TNFRSF21: variants seen among roughly 807,000 people sequenced by gnomAD.
TNFRSF21 encodes tumor necrosis factor receptor superfamily member 21.
TNFRSF21 carries 19 observed loss-of-function variants against 45.6 expected under a neutral mutation model. The observed-to-expected ratio is 0.42, with a 90% CI of 0.29 to 0.61. TNFRSF21 has a LOEUF of 0.61. Ranked by LOEUF, TNFRSF21 falls within the 20% of genes least tolerant of loss-of-function variation. The pLI is 0.23. For synonymous variants in TNFRSF21, 314 were observed against 335.5 expected (o/e 0.94, Z 0.70); for missense variants, 737 against 851.5 (o/e 0.87, Z 1.67).
intron 3 of TNFRSF21, among the ~76,000 whole-genome samples, chr6:47,273,075 T>C (rs1762450575): frequency 6.6e-6 from 1 of 152,178 alleles, no homozygotes; most frequent in African/African-American, 2.4e-5. Flanking sequence ...AGCCAAATTC[T>C]ACCAGAAGTA....
At chr6:47,285,706 C>T (rs1361053016) in intron 2 of TNFRSF21, among the ~76,000 whole-genome samples, 4 of 152,126 alleles carry the variant, frequency 2.6e-5, no homozygotes, top group African/African-American at 9.7e-5. Flanking sequence ...TATTTTATAG[C>T]TTGATGTGAC....
intron 4 of TNFRSF21, among the ~76,000 whole-genome samples, chr6:47,241,359 C>T (rs1764740248): frequency 6.6e-6 from 1 of 151,762 alleles, no homozygotes; most frequent in Non-Finnish European, 1.5e-5. Flanking sequence ...AATACATCAC[C>T]CTAAAAAAAA....
intron 3 of TNFRSF21, among the ~76,000 whole-genome samples, chr6:47,273,182 G>T (rs1332480062): frequency 6.6e-6 from 1 of 152,152 alleles, no homozygotes; most frequent in Admixed American, 6.5e-5. Context: ...GCATCATCTT[G>T]ATACCAAGGC....
At chr6:47,239,548 A>G (rs1401089944) in intron 4 of TNFRSF21, among the ~76,000 whole-genome samples, 2 of 152,200 alleles carry the variant, frequency 1.3e-5, no homozygotes, top group Admixed American at 1.3e-4. Context: ...ATTCTTGGGT[A>G]GACTCTGAGA....
At chr6:47,258,475 T>C (rs1322829476) in intron 3 of TNFRSF21, among the ~76,000 whole-genome samples, 1 of 150,962 alleles carries the variant, frequency 6.6e-6, no homozygotes, top group Non-Finnish European at 1.5e-5. Flanking sequence ...ACTGGAACAG[T>C]TTCCCCAGGG....
rs77795992 is a variant in TNFRSF21, at chr6:47,260,540, A to G, written c.1244-7019T>C. 5.7e-3 allele frequency among the ~76,000 whole-genome samples: 862 copies of G among 152,370 alleles called. 15 individuals are homozygous for G. The highest frequency in any genetic ancestry group is 0.02 in the African/African-American group (835 of 41,588). On this transcript the variant is annotated intron_variant, in intron 3 of 5. Coordinates refer to ENST00000296861, the MANE Select transcript of TNFRSF21 (RefSeq NM_014452.5). ...TTAAAAGCTGAATATCAGCTTCAGGATGCAAAAATGGGTTCCTTCTCTTTT... is the reference window on the plus strand; with the variant it reads ...TTAAAAGCTGAATATCAGCTTCAGGGTGCAAAAATGGGTTCCTTCTCTTTT...
At chr6:47,279,256 G>A (rs1264296659) in intron 3 of TNFRSF21, among the ~76,000 whole-genome samples, 4 of 152,126 alleles carry the variant, frequency 2.6e-5, no homozygotes, top group African/African-American at 9.7e-5. Context: ...AAGGATAATA[G>A]GAAAGTAGGG....
At chr6:47,271,143 T>C (rs775551882) in intron 3 of TNFRSF21, among the ~76,000 whole-genome samples, 2 of 152,054 alleles carry the variant, frequency 1.3e-5, no homozygotes, top group South Asian at 4.2e-4. Flanking sequence ...CAGGCCAACA[T>C]TCAAATTCAG....
At position 47,286,021 on chromosome 6, in the gene TNFRSF21, G is replaced by A. The variant is rs1762641972; in HGVS notation, c.671C>T (p.Ser224Phe). ...GCGTGGAAAGATGGCTGTGCCAGGGGAAGGTGAGGTGGAGCTGGAGAAGGA... is the reference window on the plus strand; with the variant it reads ...GCGTGGAAAGATGGCTGTGCCAGGGAAAGGTGAGGTGGAGCTGGAGAAGGA... ...LPSFSSSTSP[S>F]PGTAIFPRPE... Residue 224 changes from serine to phenylalanine, a missense_variant, in exon 2 of 6, where the codon TCC becomes TTC. Transcript: ENST00000296861. The A allele has an allele frequency of 6.2e-7, 1 of 1,614,128 alleles. No individual in the cohort carries two copies. Among genetic ancestry groups the A allele is most frequent in the Non-Finnish European group, 8.5e-7 (1 of 1,180,044 alleles).
intron 1 of TNFRSF21, among the ~76,000 whole-genome samples, chr6:47,302,964 G>C (rs1264132664): frequency 1.3e-5 from 2 of 152,146 alleles, no homozygotes; most frequent in Non-Finnish European, 2.9e-5. Context: ...ATTTGCAGAA[G>C]GTATTCAACA....
At chr6:47,264,214 G>A (rs951761684) in intron 3 of TNFRSF21, among the ~76,000 whole-genome samples, 1 of 152,134 alleles carries the variant, frequency 6.6e-6, no homozygotes, top group African/African-American at 2.4e-5. Flanking sequence ...AAAACATGGA[G>A]TGAAATATAC....
At chr6:47,243,738 G>C (rs994322799) in intron 4 of TNFRSF21, among the ~76,000 whole-genome samples, 2 of 152,084 alleles carry the variant, frequency 1.3e-5, no homozygotes, top group African/African-American at 4.8e-5. Context: ...TTCTTCACCT[G>C]GCCTTTTTTC....
At chr6:47,236,768 G>A (rs146651042) in intron 4 of TNFRSF21, among the ~76,000 whole-genome samples, 7 of 152,218 alleles carry the variant, frequency 4.6e-5, no homozygotes, top group African/African-American at 1.7e-4. Context: ...GGCCATTCAC[G>A]CCAACACACT....
intron 4 of TNFRSF21, among the ~76,000 whole-genome samples, chr6:47,246,842 G>A (rs1338996009): frequency 6.6e-6 from 1 of 151,996 alleles, no homozygotes; most frequent in African/African-American, 2.4e-5. Flanking sequence ...ACTTTCAAAT[G>A]GACAAATATA....
At chr6:47,261,396 A>G (rs1765071809) in intron 3 of TNFRSF21, among the ~76,000 whole-genome samples, 1 of 152,178 alleles carries the variant, frequency 6.6e-6, no homozygotes, top group African/African-American at 2.4e-5. Flanking sequence ...TGGATAAATG[A>G]ATGAGAGTCT....
Position 47,283,781 on chromosome 6 carries a change from C to T in TNFRSF21, c.1243+157G>A, listed in dbSNP as rs533539310. Among the ~76,000 whole-genome samples, 26 of 152,290 alleles carry T rather than the reference C, an allele frequency of 1.7e-4. 1 individual carries two copies. In the South Asian group the frequency reaches 5.4e-3, roughly 32 times the overall value. ...TCTGAATGCATTACTTCTAATGAGA[C>T]GGTCAATCTCTTTTTCTATAACACG... On this transcript the variant is annotated intron_variant, in intron 3 of 5. Transcript: ENST00000296861.
chr6:47,238,761 A>T (rs2113843556), intron 4 of TNFRSF21, among the ~76,000 whole-genome samples: 1 of 152,356 alleles, frequency 6.6e-6, no homozygotes, highest in South Asian at 2.1e-4. Flanking sequence ...CAAATGGATT[A>T]GGTAAACAGA....
chr6:47,262,732 G>A (rs1765090839), intron 3 of TNFRSF21, among the ~76,000 whole-genome samples: 1 of 152,120 alleles, frequency 6.6e-6, no homozygotes, highest in African/African-American at 2.4e-5. Flanking sequence ...TGGCAGGAAG[G>A]GTATTGGCAT....
intron 4 of TNFRSF21, among the ~76,000 whole-genome samples, chr6:47,243,122 A>G (rs1051909470): frequency 6.6e-6 from 1 of 152,154 alleles, no homozygotes; most frequent in African/African-American, 2.4e-5. Flanking sequence ...TAAGTCCATT[A>G]ATTAGATTCA....
Sources: gnomAD v4.1 joint callset for allele counts (sites outside exome capture counted in the v4.1 genomes callset) on GRCh38, gnomAD v4.1.1 for gene constraint, MANE v1.5 for transcripts, NCBI Gene and HGNC (gene_info 2026-07-23, HGNC 2026-07-21) for gene names.